The following FRAS1 variants were observed in gnomAD, a reference collection of about 807,000 sequenced individuals.
FRAS1 encodes Fraser extracellular matrix complex subunit 1, also known as extracellular matrix organizing protein FRAS1.
A neutral mutation model predicts 435.2 loss-of-function variants in FRAS1; 290 were observed. The ratio of observed to expected loss-of-function variants is 0.67; its 90% CI spans 0.61 to 0.73. FRAS1 has a LOEUF of 0.73. FRAS1 is among the 30% of genes least tolerant of loss of function. The pLI, the probability that FRAS1 is intolerant of heterozygous loss-of-function variation, is 0.00. For synonymous variants in FRAS1, 1,800 were observed against 1,851.0 expected, an observed-to-expected ratio of 0.97 and a Z score of 0.71; for missense variants, 4,860 against 5,001.5, an observed-to-expected ratio of 0.97 and a Z score of 0.85.
chr4:78,114,747 C>G (rs898159588), intron 2 of FRAS1, among the ~76,000 whole-genome samples: 1 of 152,232 alleles, frequency 6.6e-6, no homozygotes, highest in African/African-American at 2.4e-5. Flanking sequence ...ATGGGGTTTT[C>G]TAGATATACA....
At chr4:78,518,004 T>C (rs11730636) in intron 66 of FRAS1, among the ~76,000 whole-genome samples, 21,178 of 151,888 alleles carry the variant, frequency 0.14, 1,777 homozygotes, top group Non-Finnish European at 0.2. Context: ...GTAATCTCAG[T>C]ACTTTGGGAG....
rs542091584 is a variant in FRAS1 at position 78,540,924 on chromosome 4, C to T, written c.11839C>T (p.Pro3947Ser). The change falls in exon 74 of 74, where the codon CCT (proline) becomes TCT (serine). Residue 3947 changes from proline to serine, a missense_variant. Transcript: ENST00000512123. ...CGCAGAGGACATTTTGGAAGAATATCCTCTGAATACCAAGGTAGAAGTGCC... is the reference window on the plus strand; with the variant it reads ...CGCAGAGGACATTTTGGAAGAATATTCTCTGAATACCAAGGTAGAAGTGCC... ...KPAEDILEEY[P>S]LNTKVEVPKR... is the part of the protein sequence containing the mutation. 5 of 1,613,948 alleles carry T rather than the reference C, an allele frequency of 3.1e-6. No homozygotes were observed. Among genetic ancestry groups the T allele is most frequent in the Non-Finnish European group, 4.2e-6 (5 of 1,179,896 alleles).
Position 78,252,476 on chromosome 4 carries a change from C to CCGCTGT in FRAS1, c.396_401dup (p.Leu133_Ser134dup), listed in dbSNP as rs1344512076. The CCGCTGT allele has an allele frequency of 1.9e-6, 3 of 1,613,710 alleles. No individual in the cohort carries two copies. Among genetic ancestry groups the CCGCTGT allele is most frequent in the Non-Finnish European group, 2.5e-6 (3 of 1,179,838 alleles). On this transcript the variant is annotated inframe_insertion, in exon 5 of 74. Coordinates refer to ENST00000512123, the MANE Select transcript of FRAS1 (RefSeq NM_025074.7). ...CCGATGTACCCCCCAACCATGCCCA[C>CCGCTGT]CGCTGTCATGTGGACACCAGGAGCT...
chr4:78,401,868 CTT>C (rs1158942118), intron 30 of FRAS1, among the ~76,000 whole-genome samples: 2 of 120,538 alleles, frequency 1.7e-5, no homozygotes, highest in East Asian at 4.7e-4. Context: ...AATGATATGT[CTT>C]GAGTTCTTTA....
intron 2 of FRAS1, among the ~76,000 whole-genome samples, chr4:78,128,653 A>C (rs1056942302): frequency 1.3e-5 from 2 of 152,172 alleles, no homozygotes; most frequent in Non-Finnish European, 2.9e-5. Context: ...TCTGGATATT[A>C]GCCCTTTGTC....
chr4:78,322,647 A>G (rs1285132383), intron 18 of FRAS1, among the ~76,000 whole-genome samples: 9 of 152,188 alleles, frequency 5.9e-5, no homozygotes, highest in Admixed American at 5.9e-4. Flanking sequence ...TGAGCCACAC[A>G]ACAAACCCTA....
At chr4:78,065,945 T>C (rs1740013276) in intron 1 of FRAS1, 40 bp from the exon 2 acceptor site, 2 of 1,540,196 alleles carry the variant, frequency 1.3e-6, no homozygotes, top group Non-Finnish European at 1.8e-6. Flanking sequence ...ATTGGTTTAT[T>C]ATGCATCCCT....
chr4:78,059,808 C>A (rs1398233663), intron 1 of FRAS1, among the ~76,000 whole-genome samples: 1 of 143,066 alleles, frequency 7.0e-6, no homozygotes, highest in Non-Finnish European at 1.5e-5. Context: ...ATCCAGTGGG[C>A]CAAGTTTAAG....
At chr4:78,535,142 C>A (rs947127430) in intron 71 of FRAS1, among the ~76,000 whole-genome samples, 2 of 152,168 alleles carry the variant, frequency 1.3e-5, no homozygotes, top group Non-Finnish European at 2.9e-5. Flanking sequence ...CAGCCTCACC[C>A]GACACCATCT....
intron 2 of FRAS1, among the ~76,000 whole-genome samples, chr4:78,219,559 C>T (rs774215509): frequency 1.4e-4 from 21 of 152,090 alleles, no homozygotes; most frequent in Non-Finnish European, 2.9e-4. Context: ...TGAAAAGAGC[C>T]ACCTGCCAGA....
At chr4:78,375,696 G>A in intron 25 of FRAS1, 43 bp from the exon 26 acceptor site, 1 of 1,509,450 alleles carries the variant, frequency 6.6e-7, no homozygotes, top group Non-Finnish European at 8.8e-7. Flanking sequence ...TGTCGCTGGT[G>A]TTGCCTTGAT....
chr4:78,283,080 GGTTT>G (rs1348661265), intron 12 of FRAS1, 113 bp downstream of exon 12: 2 of 779,926 alleles, frequency 2.6e-6, no homozygotes, highest in East Asian at 3.4e-5. Flanking sequence ...TTAACCAATG[GGTTT>G]GTTTGTTTCT....
At chr4:78,072,647 A>G (rs939219319) in intron 2 of FRAS1, among the ~76,000 whole-genome samples, 36 of 152,140 alleles carry the variant, frequency 2.4e-4, no homozygotes, top group African/African-American at 7.7e-4. Context: ...ATACCCTTGT[A>G]TTGAATATTG....
At chr4:78,339,956 C>T (rs1027024468) in intron 20 of FRAS1, among the ~76,000 whole-genome samples, 2 of 152,062 alleles carry the variant, frequency 1.3e-5, no homozygotes, top group Non-Finnish European at 2.9e-5. Flanking sequence ...TTCATGATGG[C>T]TTTTTTATTT....
chr4:78,134,744 A>G (rs999151368), intron 2 of FRAS1, among the ~76,000 whole-genome samples: 4 of 152,288 alleles, frequency 2.6e-5, no homozygotes, highest in East Asian at 1.9e-4. Flanking sequence ...TAGGTATGGT[A>G]TTAGGTACTA....
At chr4:78,199,148 G>A (rs999129402) in intron 2 of FRAS1, among the ~76,000 whole-genome samples, 1 of 152,220 alleles carries the variant, frequency 6.6e-6, no homozygotes, top group East Asian at 1.9e-4. Context: ...TCACTAGGTA[G>A]TAGGCATATT....
At chr4:78,380,387 G>A (rs994532863) in intron 27 of FRAS1, among the ~76,000 whole-genome samples, 8 of 152,096 alleles carry the variant, frequency 5.3e-5, no homozygotes, top group African/African-American at 1.9e-4. Flanking sequence ...TCAAGGTGTT[G>A]TATGGTCTCT....
rs74461034 is a variant in FRAS1 at position 78,267,221 on chromosome 4, C to T, written c.790-20C>T. On this transcript the variant is annotated intron_variant, in intron 8 of 73. Transcript: ENST00000512123. ...ACCGTCTCCTGAGGACTGCCCCTCACCTTCCTCTCTGTGTCCTAGGGTCAG... is the reference window on the plus strand; with the variant it reads ...ACCGTCTCCTGAGGACTGCCCCTCATCTTCCTCTCTGTGTCCTAGGGTCAG... 880 of 1,611,208 alleles carry T rather than the reference C, an allele frequency of 5.5e-4. 2 individuals carry two copies. The African/African-American group carries it at 0.01, about 19-fold the overall frequency.
At chr4:78,274,923 C>T (rs948706549) in intron 9 of FRAS1, among the ~76,000 whole-genome samples, 3 of 152,150 alleles carry the variant, frequency 2.0e-5, no homozygotes, top group South Asian at 2.1e-4. Context: ...GTGTTAAAGT[C>T]TCCCATTATT....
Sources: allele counts gnomAD v4.1 joint callset (sites outside exome capture counted in the v4.1 genomes callset), GRCh38; gene constraint gnomAD v4.1.1; transcripts MANE v1.5; gene names NCBI Gene and HGNC (gene_info 2026-07-23, HGNC 2026-07-21).